Variants in ARHGEF10L observed in about 807,000 individuals in gnomAD.
ARHGEF10L encodes rho guanine nucleotide exchange factor 10-like protein.
A neutral mutation model predicts 141.2 loss-of-function variants in ARHGEF10L; 69 were observed. The observed-to-expected ratio is 0.49, with a 90% CI of 0.40 to 0.60. The LOEUF is 0.60. Among genes scored for constraint, ARHGEF10L ranks in the 20% least tolerant of loss-of-function variants. The pLI is 0.00. For synonymous variants in ARHGEF10L, 711 were observed against 718.5 expected (o/e 0.99, Z 0.17); for missense variants, 1,482 against 1,734.3 (o/e 0.85, Z 2.58).
intron 26 of ARHGEF10L, among the ~76,000 whole-genome samples, chr1:17,672,872 T>G (rs1289661896): frequency 6.6e-6 from 1 of 151,964 alleles, no homozygotes; most frequent in African/African-American, 2.4e-5. Flanking sequence ...GGTTGCAAAC[T>G]CGGGCCTGGA....
Position 17,618,494 on chromosome 1 carries a change from C to G in ARHGEF10L, c.836-845C>G, listed in dbSNP as rs554288548. On this transcript the variant is annotated intron_variant, in intron 9 of 28. Transcript: ENST00000361221. ...CCCACGCCGTCATCCGCTGTCCCTC[C>G]TCCTCCTCCTCCTCTGTCTCCTGCT... is the stretch of plus-strand genomic sequence containing the variant. 1.0e-4 allele frequency: 148 copies of G among 1,449,910 alleles called. No homozygotes were observed. In the African/African-American group the frequency reaches 2.0e-3, roughly 20 times the overall value. The allele number at this position is 1,449,910 out of a possible 1,614,324, so 89.8% of individuals were successfully genotyped here.
intron 2 of ARHGEF10L, among the ~76,000 whole-genome samples, chr1:17,583,468 C>T (rs536540694): frequency 3.1e-4 from 47 of 152,250 alleles, no homozygotes; most frequent in Admixed American, 1.4e-3. Flanking sequence ...TTGGTGAGCA[C>T]GCACCCTGCA....
intron 21 of ARHGEF10L, 90 bp from the exon 22 acceptor site, chr1:17,648,464 A>G: frequency 6.5e-7 from 1 of 1,528,798 alleles, no homozygotes; most frequent in Non-Finnish European, 8.9e-7. Flanking sequence ...TGGGGCCTGC[A>G]GTGGCTCCCT....
chr1:17,557,494 G>A (rs765858698), intron 1 of ARHGEF10L, among the ~76,000 whole-genome samples: 2 of 152,196 alleles, frequency 1.3e-5, no homozygotes, highest in African/African-American at 2.4e-5. Context: ...CCACACACTG[G>A]TGTGTCCCAA....
In ARHGEF10L at chr1:17,625,531, G is replaced by T. The variant is rs866361201; in HGVS notation, c.1318-425G>T. ...TATGGGGGCCAGGACCAGGTAACAG[G>T]TGTGTGGATGGAGTGGGGGATGGAT... On this transcript the variant is annotated intron_variant, in intron 13 of 28. Transcript: ENST00000361221. This position sits in a 1 kb window ranked among gnomAD's most constrained non-coding sequence, Gnocchi z 4.5. Among the ~76,000 whole-genome samples the T allele has an allele frequency of 4.1e-4, 63 of 152,294 alleles. 2 individuals are homozygous for T. Among genetic ancestry groups the T allele is most frequent in the African/African-American group, 1.3e-3 (56 of 41,552 alleles).
At chr1:17,540,911 C>G (rs949221678) in intron 1 of ARHGEF10L, among the ~76,000 whole-genome samples, 1 of 152,196 alleles carries the variant, frequency 6.6e-6, no homozygotes. Flanking sequence ...GAATGCATAG[C>G]TCTTCCCAGC....
intron 9 of ARHGEF10L, chr1:17,618,326 G>T (rs547919765): frequency 1.4e-6 from 2 of 1,381,088 alleles, no homozygotes; most frequent in Admixed American, 2.3e-5. Context: ...ATTAATAGCC[G>T]TGGCAGGGCT....
chr1:17,656,263 A>G lies in ARHGEF10L; in HGVS notation c.2705+161A>G, dbSNP rs1367828038. Among the ~76,000 whole-genome samples the G allele has an allele frequency of 6.6e-6, 1 of 152,164 alleles. No individual in the cohort carries two copies. Among genetic ancestry groups the G allele is most frequent in the Non-Finnish European group, 1.5e-5 (1 of 68,016 alleles). ...CAGAGCTGCCCAGTGTGGGAGCCAA[A>G]GTGTCGGGAGCGGCCTGCAGTGCAG... On this transcript the variant is annotated intron_variant, in intron 24 of 28. Coordinates refer to ENST00000361221, the MANE Select transcript of ARHGEF10L (RefSeq NM_018125.4). This position sits in a 1 kb window ranked among gnomAD's most constrained non-coding sequence, Gnocchi z 4.9.
chr1:17,654,793 G>C lies in ARHGEF10L; in HGVS notation c.2481+71G>C. 2 of 1,426,520 alleles carry C rather than the reference G, an allele frequency of 1.4e-6. No homozygotes were observed. Among genetic ancestry groups the C allele is most frequent in the South Asian group, 1.1e-5 (1 of 87,494 alleles). 88.4% of individuals were successfully genotyped at this position (1,426,520 alleles called of 1,614,324 possible). On this transcript the variant is annotated intron_variant, in intron 23 of 28. Coordinates refer to ENST00000361221, the MANE Select transcript of ARHGEF10L (RefSeq NM_018125.4). This position sits in a 1 kb window ranked among gnomAD's most constrained non-coding sequence, Gnocchi z 4.3. Reference sequence around the variant, plus strand: ...GAGTAGGGAGAGCGGCACCTGGGAGGGGGTGCTGGAGACAGCAGCTGCCTG... The same window carrying C: ...GAGTAGGGAGAGCGGCACCTGGGAGCGGGTGCTGGAGACAGCAGCTGCCTG...
chr1:17,581,454 G>A (rs2078560143), intron 2 of ARHGEF10L, among the ~76,000 whole-genome samples: 1 of 152,208 alleles, frequency 6.6e-6, no homozygotes, highest in Admixed American at 6.5e-5. Flanking sequence ...AGACACTGCA[G>A]GTGGAATCCA....
At chr1:17,596,291 A>G (rs943512608) in intron 4 of ARHGEF10L, among the ~76,000 whole-genome samples, 1 of 152,244 alleles carries the variant, frequency 6.6e-6, no homozygotes, top group Admixed American at 6.5e-5. Context: ...CAGCAGGCTG[A>G]ACCTGGGCTG....
chr1:17,630,379 G>A (rs1026230161), intron 15 of ARHGEF10L, among the ~76,000 whole-genome samples: 1 of 152,262 alleles, frequency 6.6e-6, no homozygotes, highest in African/African-American at 2.4e-5. Flanking sequence ...CCTCTTCCAA[G>A]TTTTGGGTCA....
intron 19 of ARHGEF10L, 119 bp downstream of exon 19, chr1:17,638,122 C>T (rs7522176): frequency 0.15 from 132,915 of 894,836 alleles, 10,589 homozygotes; most frequent in Non-Finnish European, 0.17. Flanking sequence ...GTGCTCCTAG[C>T]TTCTGAGCTC....
At chr1:17,664,416 C>T (rs749010602) in intron 25 of ARHGEF10L, 31 bp from the exon 26 acceptor site, 225 of 1,593,762 alleles carry the variant, frequency 1.4e-4, no homozygotes, top group Non-Finnish European at 1.9e-4. Context: ...CCGCTCCTGG[C>T]CCCTGACCTG....
In ARHGEF10L at chr1:17,623,588, C is replaced by G. The variant is rs1171947203; in HGVS notation, c.1200+413C>G. Among the ~76,000 whole-genome samples, 1 of 152,206 alleles carries G rather than the reference C, an allele frequency of 6.6e-6. No individual in the cohort carries two copies. Among genetic ancestry groups the G allele is most frequent in the African/African-American group, 2.4e-5 (1 of 41,458 alleles). ...GTGCCGCAGTGCTGGGGAAAGGGCA[C>G]TGGCTCACGATCCGGGGGACCTGGT... On this transcript the variant is annotated intron_variant, in intron 12 of 28. Coordinates refer to ENST00000361221, the MANE Select transcript of ARHGEF10L (RefSeq NM_018125.4). The surrounding 1 kb of genome is among the most constrained non-coding windows in gnomAD (Gnocchi z 4.7).
intron 1 of ARHGEF10L, among the ~76,000 whole-genome samples, chr1:17,550,548 A>G (rs1225996138): frequency 6.6e-6 from 1 of 151,932 alleles, no homozygotes; most frequent in Admixed American, 6.6e-5. Context: ...GGGCTGAGGC[A>G]GGAGAATTGC....
At chr1:17,666,457 G>T (rs925268808) in intron 26 of ARHGEF10L, among the ~76,000 whole-genome samples, 6 of 152,048 alleles carry the variant, frequency 3.9e-5, no homozygotes, top group Middle Eastern at 3.4e-3. Flanking sequence ...GGGGGCTGAT[G>T]GTGACTCTTG....
In ARHGEF10L at chr1:17,638,582, T is replaced by C; in HGVS notation, c.2064T>C (p.Ala688=). The change falls in exon 20 of 29, where the codon GCT becomes GCC. Residue 688 remains alanine, a synonymous_variant. Transcript: ENST00000361221. ...CCTAGAACCTGAACATGACTGTGGC[T>C]CAAGACTGGTGCCTGGCCCTGCAGA... is the stretch of plus-strand genomic sequence containing the variant. The part of the protein sequence containing the change: ...GTYQNLNMTV[A]QDWCLALQRL... 1 of 1,614,154 alleles carries C rather than the reference T, an allele frequency of 6.2e-7. No homozygotes were observed. The highest frequency in any genetic ancestry group is 2.2e-5 in the East Asian group (1 of 44,878).
At chr1:17,522,817 C>T in the ARHGEF10L span, among the ~76,000 whole-genome samples, 1 of 152,072 alleles carries the variant, frequency 6.6e-6, no homozygotes, top group Non-Finnish European at 1.5e-5. Context: ...AAGAAGGGTC[C>T]CTGATATCTT....
Sources: gnomAD v4.1 joint callset for allele counts (sites outside exome capture counted in the v4.1 genomes callset) on GRCh38, gnomAD v4.1.1 for gene constraint, Gnocchi (gnomAD v3.1) non-coding constraint, MANE v1.5 for transcripts, NCBI Gene and HGNC (gene_info 2026-07-23, HGNC 2026-07-21) for gene names.